Variants in RTL8B observed in about 807,000 individuals in gnomAD.
RTL8B encodes the protein retrotransposon Gag-like protein 8B.
In RTL8B, 5 loss-of-function variants were observed where a neutral mutation model predicts 4.4. The ratio of observed to expected loss-of-function variants is 1.13; its 90% CI spans 0.59 to 2.37. The LOEUF (loss-of-function observed/expected upper bound fraction) is 2.37. RTL8B is among the 30% of genes most tolerant of loss of function. The probability of loss-of-function intolerance (pLI) is 0.01; values close to 1 mark genes in which losing one functional copy is unlikely to be tolerated. For synonymous variants in RTL8B, 31 were observed against 44.2 expected, an observed-to-expected ratio of 0.70 and a Z score of 1.19; for missense variants, 82 against 99.2, an observed-to-expected ratio of 0.83 and a Z score of 0.74.
At position 135,021,474 on chromosome X, in the gene RTL8B, G is replaced by T; in HGVS notation, c.*644C>A. ...GTCCACAAGAGAAAATGAGAGACTCGATTTGGCTGCCAGGCACAACTGAGC... is the reference window on the plus strand; with the variant it reads ...GTCCACAAGAGAAAATGAGAGACTCTATTTGGCTGCCAGGCACAACTGAGC... On this transcript the variant is annotated 3_prime_UTR_variant, in exon 1 of 1. Transcript: ENST00000391440. 1 of 321,225 alleles carries T rather than the reference G, an allele frequency of 3.1e-6. No homozygotes were observed. The highest frequency in any genetic ancestry group is 6.1e-6 in the Non-Finnish European group (1 of 164,881). 26.5% of individuals were successfully genotyped at this position (321,225 alleles called of 1,213,427 possible). A position where few individuals can be genotyped will look rare whatever the true frequency, so the allele number is the denominator to read the frequency against.
chrX:135,021,828 T>C lies in RTL8B; in HGVS notation c.*290A>G. The C allele has an allele frequency of 8.9e-7, 1 of 1,128,689 alleles. No homozygotes were observed. Among genetic ancestry groups the C allele is most frequent in the African/African-American group, 1.8e-5 (1 of 55,611 alleles). 93.0% of individuals were successfully genotyped at this position (1,128,689 alleles called of 1,213,427 possible). A position where few individuals can be genotyped will look rare whatever the true frequency, so the allele number is the denominator to read the frequency against. ...TAACAGGAGCTCAGCTTTGTGCAAC[T>C]GGAGCGCAGGACAGCGTCCAAATGT... On this transcript the variant is annotated 3_prime_UTR_variant, in exon 1 of 1. Coordinates refer to ENST00000391440, the MANE Select transcript of RTL8B (RefSeq NM_001078173.2).
rs1181493492 is a variant in RTL8B, at chrX:135,021,455, A to T, written c.*663T>A. The T allele has an allele frequency of 3.3e-6, 1 of 301,158 alleles. No individual in the cohort carries two copies. 24.8% of individuals were successfully genotyped at this position (301,158 alleles called of 1,213,427 possible). A position where few individuals can be genotyped will look rare whatever the true frequency, so the allele number is the denominator to read the frequency against. The stretch of plus-strand genomic sequence containing the variant: ...TTCTGGGCAAAACTAACTGGTCCAC[A>T]AGAGAAAATGAGAGACTCGATTTGG... On this transcript the variant is annotated 3_prime_UTR_variant, in exon 1 of 1. Transcript: ENST00000391440.
Position 135,022,436 on chromosome X carries a change from C to T in RTL8B, c.24G>A (p.Met8Ile), listed in dbSNP as rs1603265567. The T allele has an allele frequency of 5.0e-6, 6 of 1,210,417 alleles. No homozygotes were observed. The highest frequency in any genetic ancestry group is 2.3e-4 in the Middle Eastern group (1 of 4,368). Residue 8 changes from methionine (M) to isoleucine (I), a missense_variant, in exon 1 of 1, where the codon ATG (methionine) becomes ATA (isoleucine). Met to Ile is a conservative substitution (Grantham distance 10, BLOSUM62 1). Transcript: ENST00000391440. ...GGAGGGGCCGAGCCAGGAGGGCCTT[C>T]ATCAGCTGCACTCGACCTTCCATCG... Reference protein sequence around the residue: MEGRVQLMKALLARPLRP... With the variant: MEGRVQLIKALLARPLRP...
Position 135,021,369 on chromosome X carries a change from A to G in RTL8B, c.*749T>C. The G allele has an allele frequency of 3.8e-6, 1 of 260,734 alleles. No homozygotes were observed. 21.5% of individuals were successfully genotyped at this position (260,734 alleles called of 1,213,427 possible). A position where few individuals can be genotyped will look rare whatever the true frequency, so the allele number is the denominator to read the frequency against. On this transcript the variant is annotated 3_prime_UTR_variant, in exon 1 of 1. Transcript: ENST00000391440. ...TATAAAGGAGTTAAGCAGAAGATAC[A>G]AGTTATTTTGTTGATCAAAAAGCAC...
At position 135,022,215 on chromosome X, in the gene RTL8B, G is replaced by C. The variant is rs375560502; in HGVS notation, c.245C>G (p.Pro82Arg). The C allele has an allele frequency of 6.6e-6, 8 of 1,210,541 alleles. No individual in the cohort carries two copies. The Middle Eastern group carries it at 1.1e-3, about 174-fold the overall frequency. Residue 82 changes from proline (P) to arginine (R), a missense_variant, in exon 1 of 1, where the codon CCC (proline) becomes CGC (arginine). By Grantham distance (103) the Pro-to-Arg change is moderately radical (BLOSUM62 -2). Coordinates refer to ENST00000391440, the MANE Select transcript of RTL8B (RefSeq NM_001078173.2). ...GAGGGGGCTCTCCTTCTTGATGTAG[G>C]GGATCACCCACTGCAGGGCGGGCCC... is the stretch of plus-strand genomic sequence containing the variant. ...LTGPALQWVI[P>R]YIKKESPLLS...
rs1285051312 is a variant in RTL8B, at chrX:135,021,526, A to G, written c.*592T>C. The stretch of plus-strand genomic sequence containing the variant: ...CTGGCAGCCATGTGGCAGGAGCACA[A>G]AAAGTCTCTGGGATTGGGGAGGAAA... On this transcript the variant is annotated 3_prime_UTR_variant, in exon 1 of 1. Coordinates refer to ENST00000391440, the MANE Select transcript of RTL8B (RefSeq NM_001078173.2). The G allele has an allele frequency of 1.9e-6, 1 of 537,102 alleles. No homozygotes were observed. Among genetic ancestry groups the G allele is most frequent in the Non-Finnish European group, 2.9e-6 (1 of 349,272 alleles). The allele number at this position is 537,102 out of a possible 1,213,427, so 44.3% of individuals were successfully genotyped here.
chrX:135,022,104 G>A lies in RTL8B; in HGVS notation c.*14C>T, dbSNP rs781548536. 16 of 1,209,912 alleles carry A rather than the reference G, an allele frequency of 1.3e-5. No individual in the cohort carries two copies. In the East Asian group the frequency reaches 2.7e-4, roughly 20 times the overall value. Reference sequence around the variant, plus strand: ...TCCCAGAGCACCGGTCCCCAGGCCCGAGGGTCTCCCGGCCTAGAAGTCCTC... The same window carrying A: ...TCCCAGAGCACCGGTCCCCAGGCCCAAGGGTCTCCCGGCCTAGAAGTCCTC... On this transcript the variant is annotated 3_prime_UTR_variant, in exon 1 of 1. Coordinates refer to ENST00000391440, the MANE Select transcript of RTL8B (RefSeq NM_001078173.2).
chrX:135,021,923 A>G lies in RTL8B; in HGVS notation c.*195T>C, dbSNP rs74634293. 0.077 allele frequency: 89,165 copies of G among 1,153,394 alleles called. 2,665 individuals carry two copies. Among genetic ancestry groups the G allele is most frequent in the Non-Finnish European group, 0.09 (78,143 of 867,201 alleles). ...CTCCAGAGTGAGGCCCAGGGGCGGC[A>G]GCAGGAGCCTGGAGCGCTATTCCTG... On this transcript the variant is annotated 3_prime_UTR_variant, in exon 1 of 1. Coordinates refer to ENST00000391440, the MANE Select transcript of RTL8B (RefSeq NM_001078173.2).
rs1330443851 is a variant in RTL8B at position 135,020,664 on chromosome X, C to G, written c.*1454G>C. On this transcript the variant is annotated 3_prime_UTR_variant, in exon 1 of 1. Transcript: ENST00000391440. ...TGGAAAATAACAAAAAATTTTTTTA[C>G]CCAAGCTTATGAAATGTACCAGGAT... The G allele has an allele frequency of 9.0e-6, 1 of 111,608 alleles. No homozygotes were observed. Among genetic ancestry groups the G allele is most frequent in the African/African-American group, 3.3e-5 (1 of 30,621 alleles). The allele number at this position is 111,608 out of a possible 1,213,427, so 9.2% of individuals were successfully genotyped here.
At position 135,020,751 on chromosome X, in the gene RTL8B, G is replaced by T. The variant is rs1187809134; in HGVS notation, c.*1367C>A. On this transcript the variant is annotated 3_prime_UTR_variant, in exon 1 of 1. Transcript: ENST00000391440. ...TTCTTCTGCAAAATAAAACCCCCTG[G>T]TCATCAACCAGGTTTGTATCTAAAT... 9.0e-6 allele frequency: 1 copy of T among 111,691 alleles called. No homozygotes were observed. Among genetic ancestry groups the T allele is most frequent in the Non-Finnish European group, 1.9e-5 (1 of 53,127 alleles). 9.2% of individuals were successfully genotyped at this position (111,691 alleles called of 1,213,427 possible).
Position 135,022,477 on chromosome X carries a change from G to C in RTL8B, c.-18C>G, listed in dbSNP as rs1197335380. On this transcript the variant is annotated 5_prime_UTR_variant, in exon 1 of 1. Transcript: ENST00000391440. ...CCTTCCATCGCGCCGCGCTGGCTCC[G>C]CTGAGTTTAGCTGAGCTGCGCTGGG... 2 of 1,201,031 alleles carry C rather than the reference G, an allele frequency of 1.7e-6. No homozygotes were observed. The highest frequency in any genetic ancestry group is 1.8e-5 in the South Asian group (1 of 54,571).
chrX:135,021,839 A>G lies in RTL8B; in HGVS notation c.*279T>C. On this transcript the variant is annotated 3_prime_UTR_variant, in exon 1 of 1. Transcript: ENST00000391440. ...CAGCTTTGTGCAACTGGAGCGCAGGACAGCGTCCAAATGTGCATGGGAGGG... is the reference window on the plus strand; with the variant it reads ...CAGCTTTGTGCAACTGGAGCGCAGGGCAGCGTCCAAATGTGCATGGGAGGG... 8.8e-7 allele frequency: 1 copy of G among 1,137,819 alleles called. No individual in the cohort carries two copies. The allele number at this position is 1,137,819 out of a possible 1,213,427, so 93.8% of individuals were successfully genotyped here.
In RTL8B at chrX:135,021,833, C is replaced by T. The variant is rs1201100589; in HGVS notation, c.*285G>A. On this transcript the variant is annotated 3_prime_UTR_variant, in exon 1 of 1. Coordinates refer to ENST00000391440, the MANE Select transcript of RTL8B (RefSeq NM_001078173.2). ...GGAGCTCAGCTTTGTGCAACTGGAG[C>T]GCAGGACAGCGTCCAAATGTGCATG... is the stretch of plus-strand genomic sequence containing the variant. The T allele has an allele frequency of 2.7e-6, 3 of 1,129,747 alleles. No individual in the cohort carries two copies. The highest frequency in any genetic ancestry group is 1.8e-5 in the African/African-American group (1 of 55,140). 93.1% of individuals were successfully genotyped at this position (1,129,747 alleles called of 1,213,427 possible).
chrX:135,022,387 T>G lies in RTL8B; in HGVS notation c.73A>C (p.Asn25His). ...PLRPAARRWR[N>H]PIPFPETFDG... The stretch of plus-strand genomic sequence containing the variant: ...AACGTCTCGGGAAAGGGAATCGGGT[T>G]CCTCCAGCGACGCGCCGCGGGCCGG... The change falls in exon 1 of 1, where the codon AAC (asparagine) becomes CAC (histidine). Residue 25 changes from asparagine (N) to histidine (H), a missense_variant. Asn to His is a moderately conservative substitution (Grantham distance 68). Transcript: ENST00000391440. 8.3e-7 allele frequency: 1 copy of G among 1,211,905 alleles called. No homozygotes were observed. The highest frequency in any genetic ancestry group is 1.1e-6 in the Non-Finnish European group (1 of 895,524).
rs1238161641 is a variant in RTL8B, at chrX:135,021,762, G to T, written c.*356C>A. ...TCGTCTGGAAGTCTGGTGAGGAGGA[G>T]GGGGGTTGGCAGCGGCGGCTGTCAG... On this transcript the variant is annotated 3_prime_UTR_variant, in exon 1 of 1. Transcript: ENST00000391440. 1 of 1,054,517 alleles carries T rather than the reference G, an allele frequency of 9.5e-7. No individual in the cohort carries two copies. The highest frequency in any genetic ancestry group is 2.8e-5 in the Admixed American group (1 of 35,213). 86.9% of individuals were successfully genotyped at this position (1,054,517 alleles called of 1,213,427 possible). A position where few individuals can be genotyped will look rare whatever the true frequency, so the allele number is the denominator to read the frequency against.
Position 135,021,698 on chromosome X carries a change from T to C in RTL8B, c.*420A>G. The C allele has an allele frequency of 1.9e-5, 19 of 1,003,756 alleles. No homozygotes were observed. Among genetic ancestry groups the C allele is most frequent in the Non-Finnish European group, 2.5e-5 (19 of 769,675 alleles). The allele number at this position is 1,003,756 out of a possible 1,213,427, so 82.7% of individuals were successfully genotyped here. ...GTCGGTGGAATGCGATGGATGGCGA[T>C]GGCAGTGGCAGCGCAGGTCTGTGGG... On this transcript the variant is annotated 3_prime_UTR_variant, in exon 1 of 1. Transcript: ENST00000391440.
In RTL8B at chrX:135,022,404, G is replaced by C; in HGVS notation, c.56C>G (p.Ala19Gly). Reference sequence around the variant, plus strand: ...AATCGGGTTCCTCCAGCGACGCGCCGCGGGCCGGAGGGGCCGAGCCAGGAG... The same window carrying C: ...AATCGGGTTCCTCCAGCGACGCGCCCCGGGCCGGAGGGGCCGAGCCAGGAG... The part of the protein sequence containing the change: ...KALLARPLRP[A>G]ARRWRNPIPF... Residue 19 changes from alanine (A) to glycine (G), a missense_variant, in exon 1 of 1, where the codon GCG (alanine) becomes GGG (glycine). Physicochemically the swap from Ala to Gly is moderately conservative, Grantham distance 60. Coordinates refer to ENST00000391440, the MANE Select transcript of RTL8B (RefSeq NM_001078173.2). 1 of 1,211,011 alleles carries C rather than the reference G, an allele frequency of 8.3e-7. No homozygotes were observed. Among genetic ancestry groups the C allele is most frequent in the Admixed American group, 2.2e-5 (1 of 46,007 alleles).
chrX:135,022,176 C>T lies in RTL8B; in HGVS notation c.284G>A (p.Arg95Gln), dbSNP rs1465525602. ...KKESPLLSDY[R>Q]GFLAEMKRVF... is the part of the protein sequence containing the mutation. ...CCGCTTCATCTCAGCCAGGAAGCCC[C>T]GGTAATCACTGAGGAGGGGGCTCTC... The change falls in exon 1 of 1, where the codon CGG becomes CAG. Residue 95 changes from arginine (R) to glutamine (Q), a missense_variant. By Grantham distance (43) the Arg-to-Gln change is conservative (BLOSUM62 1). Coordinates refer to ENST00000391440, the MANE Select transcript of RTL8B (RefSeq NM_001078173.2). The T allele has an allele frequency of 5.0e-6, 6 of 1,210,396 alleles. No homozygotes were observed. The African/African-American group carries it at 7.0e-5, about 14-fold the overall frequency.
chrX:135,020,661 T>C lies in RTL8B; in HGVS notation c.*1457A>G, dbSNP rs916688135. On this transcript the variant is annotated 3_prime_UTR_variant, in exon 1 of 1. Coordinates refer to ENST00000391440, the MANE Select transcript of RTL8B (RefSeq NM_001078173.2). ...GCATGGAAAATAACAAAAAATTTTT[T>C]TACCCAAGCTTATGAAATGTACCAG... 9.0e-6 allele frequency: 1 copy of C among 111,711 alleles called. No individual in the cohort carries two copies. Among genetic ancestry groups the C allele is most frequent in the African/African-American group, 3.3e-5 (1 of 30,664 alleles). 9.2% of individuals were successfully genotyped at this position (111,711 alleles called of 1,213,427 possible).
Sources: allele counts gnomAD v4.1 joint callset, GRCh38; gene constraint gnomAD v4.1.1; transcripts MANE v1.5; gene names NCBI Gene and HGNC (gene_info 2026-07-23, HGNC 2026-07-21).